SNRNP35: variants seen among roughly 807,000 people sequenced by gnomAD.
The protein encoded by SNRNP35 is small nuclear ribonucleoprotein U11/U12 subunit 35.
Under a neutral mutation model 24.3 loss-of-function variants are expected in SNRNP35, and 16 were observed. That is an observed-to-expected ratio of 0.66 (90% CI 0.45 to 1.00). The LOEUF (loss-of-function observed/expected upper bound fraction) is 1.00, where lower values mean the gene tolerates loss of function less well. SNRNP35 is among the 50% of genes least tolerant of loss of function. The pLI is 0.00. For missense variants in SNRNP35, 292 were observed against 327.2 expected, an observed-to-expected ratio of 0.89 and a Z score of 0.83; for synonymous variants, 106 against 124.8, an observed-to-expected ratio of 0.85 and a Z score of 1.00.
intron 1 of SNRNP35, among the ~76,000 whole-genome samples, chr12:123,460,645 G>A (rs1278913162): frequency 2.1e-5 from 3 of 145,800 alleles, no homozygotes; most frequent in African/African-American, 7.5e-5. Flanking sequence ...GTGGCGCATA[G>A]TGAGTAATTC....
At chr12:123,461,049 A>G (rs1456346625) in intron 1 of SNRNP35, among the ~76,000 whole-genome samples, 1 of 148,304 alleles carries the variant, frequency 6.7e-6, no homozygotes, top group Non-Finnish European at 1.5e-5. Flanking sequence ...TCCTGGGCTC[A>G]AGGGATCCTC....
downstream of SNRNP35, among the ~76,000 whole-genome samples, chr12:123,469,299 C>T (rs769919028): frequency 2.6e-5 from 4 of 151,888 alleles, no homozygotes; most frequent in Admixed American, 6.6e-5. Context: ...GGACAACAGG[C>T]GCATGCCCCC....
intron 1 of SNRNP35, among the ~76,000 whole-genome samples, chr12:123,460,982 TA>T (rs1192291501): frequency 4.0e-5 from 5 of 125,534 alleles, no homozygotes; most frequent in African/African-American, 1.4e-4. Context: ...TTTTTTTTTT[TA>T]AAAACAGAGA....
chr12:123,458,287 C>G (rs1880388027), intron 1 of SNRNP35, 71 bp downstream of exon 1: 2 of 949,092 alleles, frequency 2.1e-6, no homozygotes, highest in African/African-American at 1.8e-5. Flanking sequence ...GGCCCAGACG[C>G]TGTGCCCGCG....
chr12:123,466,478 A>T lies in SNRNP35; in HGVS notation c.*197A>T. 1.9e-6 allele frequency: 1 copy of T among 514,334 alleles called. No homozygotes were observed. The highest frequency in any genetic ancestry group is 3.3e-6 in the Non-Finnish European group (1 of 300,368). The allele number at this position is 514,334 out of a possible 1,614,324, so 31.9% of individuals were successfully genotyped here. ...ATCTTCCTCACATAGTTCTAAGGACATGTTATTTAACAGGATCAAGAAGCA... is the reference window on the plus strand; with the variant it reads ...ATCTTCCTCACATAGTTCTAAGGACTTGTTATTTAACAGGATCAAGAAGCA... On this transcript the variant is annotated 3_prime_UTR_variant, in exon 2 of 2. Coordinates refer to ENST00000526639, the MANE Select transcript of SNRNP35 (RefSeq NM_022717.4).
At chr12:123,463,312 T>C (rs1880735605) in intron 1 of SNRNP35, among the ~76,000 whole-genome samples, 1 of 152,090 alleles carries the variant, frequency 6.6e-6, no homozygotes, top group Non-Finnish European at 1.5e-5. Context: ...TCGTCCCACC[T>C]TGGCCTTCTA....
At position 123,465,962 on chromosome 12, in the gene SNRNP35, G is replaced by C. The variant is rs370684873; in HGVS notation, c.422G>C (p.Gly141Ala). 4.5e-5 allele frequency: 72 copies of C among 1,614,010 alleles called. No homozygotes were observed. Among genetic ancestry groups the C allele is most frequent in the Non-Finnish European group, 5.4e-5 (64 of 1,180,032 alleles). ...TLKGWIPRRL[G>A]GGLGGKKESG... ...AAAGGGTGGATCCCTCGGCGACTTG[G>C]AGGCGGTCTTGGGGGAAAAAAGGAG... Residue 141 changes from glycine to alanine, a missense_variant, in exon 2 of 2, where the codon GGA (glycine) becomes GCA (alanine). Transcript: ENST00000526639. The surrounding 1 kb of genome is among the most constrained non-coding windows in gnomAD (Gnocchi z 4.2).
exon 2 of SNRNP35, chr12:123,472,904 G>T: frequency 1.9e-6 from 1 of 528,370 alleles, no homozygotes; most frequent in Non-Finnish European, 3.4e-6. Context: ...ACGCGGTATG[G>T]GCAAGGCATG....
intron 1 of SNRNP35, 114 bp downstream of exon 1, chr12:123,458,330 AGGGGACGACATTCT>A (rs1031783842): frequency 7.9e-6 from 5 of 632,466 alleles, no homozygotes; most frequent in Non-Finnish European, 3.9e-6. Context: ...AACCTGGCAA[AGGGGACGACATTCT>A]GGGTTGCGTT....
exon 2 of SNRNP35, chr12:123,472,479 G>A (rs1881252828): frequency 1.3e-6 from 2 of 1,543,136 alleles, no homozygotes; most frequent in Non-Finnish European, 1.8e-6. Flanking sequence ...CTGGGCTGCA[G>A]TTCGGTTGCA....
At position 123,466,863 on chromosome 12, in the gene SNRNP35, T is replaced by C. The variant is rs776787516; in HGVS notation, c.*582T>C. The C allele has an allele frequency of 2.7e-4, 41 of 152,320 alleles. No individual in the cohort carries two copies. The highest frequency in any genetic ancestry group is 4.7e-4 in the Non-Finnish European group (32 of 68,190). The allele number at this position is 152,320 out of a possible 1,614,324, so 9.4% of individuals were successfully genotyped here. On this transcript the variant is annotated 3_prime_UTR_variant, in exon 2 of 2. Transcript: ENST00000526639. ...TACTCCTGGCCTGGTCTCCAACTCT[T>C]GACCTCAAATGAGCCACCTGCCTTA...
chr12:123,472,841 A>G, exon 2 of SNRNP35: 1 of 713,270 alleles, frequency 1.4e-6, no homozygotes, highest in Non-Finnish European at 2.3e-6. Flanking sequence ...AAGTTATTCC[A>G]AGAAAGCAGC....
At position 123,465,855 on chromosome 12, in the gene SNRNP35, G is replaced by C; in HGVS notation, c.315G>C (p.Val105=). The C allele has an allele frequency of 6.2e-7, 1 of 1,613,942 alleles. No individual in the cohort carries two copies. Among genetic ancestry groups the C allele is most frequent in the Admixed American group, 1.7e-5 (1 of 59,932 alleles). ...AFIEYKEERA[V]IKAYRDADGL... is the part of the protein sequence containing the mutation. ...TCGAATACAAGGAGGAGCGTGCCGT[G>C]ATCAAAGCTTACCGAGATGCTGATG... Residue 105 remains valine, a synonymous_variant, in exon 2 of 2, where the codon GTG becomes GTC. Coordinates refer to ENST00000526639, the MANE Select transcript of SNRNP35 (RefSeq NM_022717.4). This position sits in a 1 kb window ranked among gnomAD's most constrained non-coding sequence, Gnocchi z 4.2.
chr12:123,460,593 CCA>C (rs1374470992), intron 1 of SNRNP35, among the ~76,000 whole-genome samples: 2 of 120,928 alleles, frequency 1.7e-5, no homozygotes, highest in Admixed American at 1.9e-4. Context: ...TAGTGAGACC[CCA>C]TCTCTACAAA....
At chr12:123,468,358 CAAAA>C (rs62816460), downstream of SNRNP35, among the ~76,000 whole-genome samples, 2 of 92,262 alleles carry the variant, frequency 2.2e-5, no homozygotes, top group Admixed American at 1.3e-4. Context: ...GACTCTGTCT[CAAAA>C]AAAAAAAAAA....
downstream of SNRNP35, chr12:123,471,178 C>T (rs1881174476): frequency 6.6e-6 from 1 of 151,564 alleles, no homozygotes. Flanking sequence ...TCAAGGAATT[C>T]TCCTGTCTCG....
chr12:123,460,715 C>T (rs1338463933), intron 1 of SNRNP35, among the ~76,000 whole-genome samples: 3 of 151,088 alleles, frequency 2.0e-5, no homozygotes, highest in Non-Finnish European at 4.4e-5. Flanking sequence ...TGCCACTGTA[C>T]TCCAGTCTGG....
intron 1 of SNRNP35, chr12:123,459,506 GC>G (rs66466107): frequency 1 from 182,149 of 182,150 alleles, 91,074 homozygotes; most frequent in Middle Eastern, 1. Flanking sequence ...TGAGAATGAG[GC>G]CCAGGCGCGG....
In SNRNP35 at chr12:123,465,955, C is replaced by T. The variant is rs377262051; in HGVS notation, c.415C>T (p.Arg139Ter). The T allele has an allele frequency of 6.1e-5, 99 of 1,613,806 alleles. No homozygotes were observed. Among genetic ancestry groups the T allele is most frequent in the South Asian group, 4.0e-4 (36 of 91,084 alleles). The change falls in exon 2 of 2, where the codon CGA becomes TGA. Residue 139 changes from arginine to a stop codon, truncating the protein, a stop_gained. Coordinates refer to ENST00000526639, the MANE Select transcript of SNRNP35 (RefSeq NM_022717.4). LOFTEE classifies it high-confidence loss of function. The surrounding 1 kb of genome is among the most constrained non-coding windows in gnomAD (Gnocchi z 4.2). ...GACTCTCAAAGGGTGGATCCCTCGG[C>T]GACTTGGAGGCGGTCTTGGGGGAAA... ...ERTLKGWIPR[R>*]LGGGLGGKKE...
Sources: allele counts gnomAD v4.1 joint callset (sites outside exome capture counted in the v4.1 genomes callset), GRCh38; gene constraint gnomAD v4.1.1; non-coding constraint Gnocchi (gnomAD v3.1); transcripts MANE v1.5; gene names NCBI Gene and HGNC (gene_info 2026-07-23, HGNC 2026-07-21).